SLC24A2: variants seen among roughly 807,000 people sequenced by gnomAD.
SLC24A2 encodes the protein sodium/potassium/calcium exchanger 2.
SLC24A2 carries 36 observed loss-of-function variants against 62.0 expected under a neutral mutation model. The ratio of observed to expected loss-of-function variants is 0.58; its 90% confidence interval spans 0.44 to 0.77. SLC24A2 has a LOEUF of 0.77. SLC24A2 is among the 30% of genes least tolerant of loss of function. The pLI is 0.00. For missense variants in SLC24A2, 846 were observed against 817.9 expected (o/e 1.03, Z -0.42); for synonymous variants, 358 against 294.0 (o/e 1.22, Z -2.23).
the SLC24A2 span, among the ~76,000 whole-genome samples, chr9:20,289,429 G>A: frequency 2.6e-5 from 4 of 152,266 alleles, no homozygotes; most frequent in East Asian, 7.7e-4. Flanking sequence ...AAGGGTTACC[G>A]GAGTTATTAA....
At chr9:19,725,445 T>A (rs1325033405) in intron 2 of SLC24A2, among the ~76,000 whole-genome samples, 1 of 152,202 alleles carries the variant, frequency 6.6e-6, no homozygotes, top group Non-Finnish European at 1.5e-5. Context: ...ATTTTTATTC[T>A]ATCTTGGCTT....
chr9:19,655,090 T>A (rs1218333621), intron 2 of SLC24A2, among the ~76,000 whole-genome samples: 1 of 152,228 alleles, frequency 6.6e-6, no homozygotes, highest in East Asian at 1.9e-4. Context: ...GCCCAAATAG[T>A]CCATTCACCT....
At chr9:20,175,199 A>T in the SLC24A2 span, among the ~76,000 whole-genome samples, 2 of 151,944 alleles carry the variant, frequency 1.3e-5, no homozygotes, top group African/African-American at 2.4e-5. Context: ...ATGTGAAGAC[A>T]TAAGAATGAT....
chr9:19,545,056 G>C (rs1473238195), intron 8 of SLC24A2, among the ~76,000 whole-genome samples: 1 of 152,066 alleles, frequency 6.6e-6, no homozygotes, highest in African/African-American at 2.4e-5. Flanking sequence ...ATCACTTTCA[G>C]GTACACCAAT....
the SLC24A2 span, among the ~76,000 whole-genome samples, chr9:19,900,613 G>C: frequency 3.9e-5 from 6 of 152,256 alleles, no homozygotes; most frequent in African/African-American, 1.4e-4. Flanking sequence ...TATTTTAAAG[G>C]ATAATTGTTA....
the SLC24A2 span, among the ~76,000 whole-genome samples, chr9:20,263,691 T>C: frequency 6.6e-6 from 1 of 152,184 alleles, no homozygotes; most frequent in Non-Finnish European, 1.5e-5. Flanking sequence ...CTTTTTGTAG[T>C]AGCCAGCACT....
intron 7 of SLC24A2, among the ~76,000 whole-genome samples, chr9:19,566,930 A>G (rs529508807): frequency 1.2e-3 from 178 of 150,548 alleles, no homozygotes; most frequent in African/African-American, 4.1e-3. Flanking sequence ...TGGACACAGG[A>G]CGGGGAACAT....
At chr9:20,054,955 T>C in the SLC24A2 span, among the ~76,000 whole-genome samples, 1 of 152,222 alleles carries the variant, frequency 6.6e-6, no homozygotes, top group Admixed American at 6.5e-5. Context: ...TAAATAGTTT[T>C]CCTTTAACTA....
the SLC24A2 span, chr9:19,958,274 T>C: frequency 1.3e-5 from 2 of 152,270 alleles, no homozygotes; most frequent in South Asian, 4.2e-4. Context: ...ATCCAGGTGA[T>C]TTAGAGCTGA....
chr9:20,014,517 T>TATATATACAC, the SLC24A2 span, among the ~76,000 whole-genome samples: 1 of 148,392 alleles, frequency 6.7e-6, no homozygotes, highest in African/African-American at 2.5e-5. Context: ...TATATATATA[T>TATATATACAC]ACACACACAC....
chr9:19,586,378 T>TG (rs1281107722), intron 5 of SLC24A2, among the ~76,000 whole-genome samples: 1 of 152,106 alleles, frequency 6.6e-6, no homozygotes, highest in Non-Finnish European at 1.5e-5. Context: ...AATATGACAT[T>TG]GGGGGCTGTG....
intron 6 of SLC24A2, among the ~76,000 whole-genome samples, chr9:19,575,745 G>A (rs547976437): frequency 2.7e-4 from 41 of 152,170 alleles, no homozygotes; most frequent in Non-Finnish European, 4.1e-4. Flanking sequence ...GGAGGACTGC[G>A]ACTGAGCCCA....
At chr9:19,694,371 T>A (rs1168334621) in intron 2 of SLC24A2, among the ~76,000 whole-genome samples, 1 of 137,164 alleles carries the variant, frequency 7.3e-6, no homozygotes, top group Non-Finnish European at 1.5e-5. Context: ...TAATGGAAGA[T>A]TTCCTCTCTA....
the SLC24A2 span, among the ~76,000 whole-genome samples, chr9:20,229,724 C>CT: frequency 1.3e-5 from 2 of 151,014 alleles, no homozygotes; most frequent in Admixed American, 6.6e-5. Context: ...TTTTCTATTT[C>CT]TTTTTTTTTA....
chr9:19,523,037 T>C (rs1313282777), intron 9 of SLC24A2, among the ~76,000 whole-genome samples: 2 of 152,200 alleles, frequency 1.3e-5, no homozygotes, highest in African/African-American at 4.8e-5. Flanking sequence ...AAAAATTATT[T>C]GCTGGGCACA....
the SLC24A2 span, among the ~76,000 whole-genome samples, chr9:20,063,160 A>AT: frequency 1.4e-5 from 2 of 146,310 alleles, no homozygotes; most frequent in African/African-American, 5.1e-5. Flanking sequence ...CCAAAGGACT[A>AT]TAAATCATGC....
the SLC24A2 span, among the ~76,000 whole-genome samples, chr9:20,121,642 T>C: frequency 6.6e-6 from 1 of 152,160 alleles, no homozygotes; most frequent in African/African-American, 2.4e-5. Context: ...ATGTCCATTT[T>C]TTCCAGCAAA....
the SLC24A2 span, among the ~76,000 whole-genome samples, chr9:20,202,941 T>C: frequency 6.6e-6 from 1 of 152,334 alleles, no homozygotes; most frequent in Non-Finnish European, 1.5e-5. Flanking sequence ...TGTTAAATAC[T>C]AAATTTTTAA....
chr9:20,237,450 C>T, the SLC24A2 span, among the ~76,000 whole-genome samples: 4 of 152,142 alleles, frequency 2.6e-5, no homozygotes, highest in African/African-American at 9.7e-5. Context: ...TTCATGCTCT[C>T]TGCATCAAAG....
Sources: gnomAD v4.1 joint callset for allele counts (sites outside exome capture counted in the v4.1 genomes callset) on GRCh38, gnomAD v4.1.1 for gene constraint, MANE v1.5 for transcripts, NCBI Gene and HGNC (gene_info 2026-07-23, HGNC 2026-07-21) for gene names.